The following PGM1 variants were observed in gnomAD, a reference collection of about 807,000 sequenced individuals.
PGM1 encodes phosphoglucomutase 1.
In PGM1, 52 loss-of-function variants were observed where a neutral mutation model predicts 55.6. That is an observed-to-expected ratio of 0.94 (90% CI 0.75 to 1.18). PGM1 has a LOEUF of 1.18. Among genes scored for constraint, PGM1 ranks in the 50% most tolerant of loss-of-function variants. The pLI, the probability that PGM1 is intolerant of heterozygous loss-of-function variation, is 0.00. For missense variants in PGM1, 724 were observed against 729.3 expected, an observed-to-expected ratio of 0.99 and a Z score of 0.08; for synonymous variants, 287 against 271.7, an observed-to-expected ratio of 1.06 and a Z score of -0.55.
intron 4 of PGM1, among the ~76,000 whole-genome samples, chr1:63,633,402 C>T (rs867168969): frequency 6.6e-6 from 1 of 152,162 alleles, no homozygotes; most frequent in Non-Finnish European, 1.5e-5. Context: ...CTAATGCTTT[C>T]GTTTCTATAT....
chr1:63,646,378 T>C (rs2100996490), intron 7 of PGM1, among the ~76,000 whole-genome samples: 1 of 152,306 alleles, frequency 6.6e-6, no homozygotes, highest in East Asian at 1.9e-4. Context: ...TATCAGGCTC[T>C]TGGAAAAGGG....
chr1:63,593,544 C>A lies in PGM1; in HGVS notation c.56C>A (p.Thr19Lys). 1 of 1,613,918 alleles carries A rather than the reference C, an allele frequency of 6.2e-7. No homozygotes were observed. Among genetic ancestry groups the A allele is most frequent in the East Asian group, 2.2e-5 (1 of 44,854 alleles). ...GCGTACCAGGACCAGAAGCCGGGCA[C>A]GAGCGGGCTGCGGAAGCGGGTGAAG... ...TQAYQDQKPG[T>K]SGLRKRVKVF... is the part of the protein sequence containing the mutation. Residue 19 changes from threonine to lysine, a missense_variant, in exon 1 of 11, where the codon ACG (threonine) becomes AAG (lysine). Thr to Lys is a moderately conservative substitution (Grantham distance 78, BLOSUM62 -1). Transcript: ENST00000371084.
At chr1:63,648,365 G>C in intron 7 of PGM1, 152 bp from the exon 8 acceptor site, 1 of 799,714 alleles carries the variant, frequency 1.3e-6, no homozygotes, top group Non-Finnish European at 2.1e-6. Flanking sequence ...CAGCAAGGGG[G>C]AACTTTGTCC....
In PGM1 at chr1:63,593,465, G is replaced by A. The variant is rs758344892; in HGVS notation, c.-24G>A. The A allele has an allele frequency of 2.5e-6, 4 of 1,613,212 alleles. No individual in the cohort carries two copies. The Admixed American group carries it at 5.0e-5, about 20-fold the overall frequency. On this transcript the variant is annotated 5_prime_UTR_variant, in exon 1 of 11. Transcript: ENST00000371084. ...CTCCGCCAGCCAAGTCCGCCGCTCT[G>A]ACCCCCGGCAGCAAGTCGCCACCAT...
intron 1 of PGM1, among the ~76,000 whole-genome samples, chr1:63,616,211 G>A (rs1421261368): frequency 6.6e-6 from 1 of 152,084 alleles, no homozygotes; most frequent in Non-Finnish European, 1.5e-5. Flanking sequence ...GGAAATAAAA[G>A]ACATAGAAAA....
At position 63,659,617 on chromosome 1, in the gene PGM1, T is replaced by A; in HGVS notation, c.1631T>A (p.Leu544Gln). 4 of 1,614,016 alleles carry A rather than the reference T, an allele frequency of 2.5e-6. No individual in the cohort carries two copies. The highest frequency in any genetic ancestry group is 3.4e-6 in the Non-Finnish European group (4 of 1,179,982). Residue 544 changes from leucine (L) to glutamine (Q), a missense_variant, in exon 11 of 11, where the codon CTG becomes CAG. By Grantham distance (113) the Leu-to-Gln change is moderately radical. Coordinates refer to ENST00000371084, the MANE Select transcript of PGM1 (RefSeq NM_002633.3). ...VMLAPLISIA[L>Q]KVSQLQERTG... Reference sequence around the variant, plus strand: ...TTGGCCCCCCTTATTTCCATTGCTCTGAAAGTGTCCCAGCTGCAGGAGAGG... The same window carrying A: ...TTGGCCCCCCTTATTTCCATTGCTCAGAAAGTGTCCCAGCTGCAGGAGAGG...
At chr1:63,610,052 A>C (rs1286353901) in intron 1 of PGM1, among the ~76,000 whole-genome samples, 1 of 152,256 alleles carries the variant, frequency 6.6e-6, no homozygotes, top group Non-Finnish European at 1.5e-5. Flanking sequence ...TTCAAATTTC[A>C]GTTTCATAAT....
At chr1:63,633,093 T>C (rs1649241001) in intron 4 of PGM1, among the ~76,000 whole-genome samples, 1 of 152,110 alleles carries the variant, frequency 6.6e-6, no homozygotes, top group Non-Finnish European at 1.5e-5. Context: ...ATTTCAAGTA[T>C]TCTCTTTGGG....
At chr1:63,641,415 ATCT>A (rs1405863102) in intron 7 of PGM1, among the ~76,000 whole-genome samples, 2 of 152,160 alleles carry the variant, frequency 1.3e-5, no homozygotes, top group African/African-American at 4.8e-5. Flanking sequence ...TGAACTCCTG[ATCT>A]TCTTATTTAT....
rs1423844205 is a variant in PGM1, at chr1:63,631,765, T to C, written c.665T>C (p.Ile222Thr). 6.2e-7 allele frequency: 1 copy of C among 1,613,732 alleles called. No homozygotes were observed. The highest frequency in any genetic ancestry group is 1.3e-5 in the African/African-American group (1 of 74,916). Residue 222 changes from isoleucine to threonine, a missense_variant, in exon 4 of 11, where the codon ATT becomes ACT. Coordinates refer to ENST00000371084, the MANE Select transcript of PGM1 (RefSeq NM_002633.3). ...LSGPNRLKIRIDAMHGVVGPY... is the reference protein window; with the variant it reads ...LSGPNRLKIRTDAMHGVVGPY... ...GGGCCAAACCGACTGAAGATCCGTA[T>C]TGATGCTATGCATGGAGGTATACAA...
Position 63,604,623 on chromosome 1 carries a change from T to C in PGM1, c.246+10889T>C, listed in dbSNP as rs115909502. On this transcript the variant is annotated intron_variant, in intron 1 of 10. Coordinates refer to ENST00000371084, the MANE Select transcript of PGM1 (RefSeq NM_002633.3). Reference sequence around the variant, plus strand: ...CATATGGCCCCCTGAAAATGAGTGGTTCTGTTACCTTAAAGAAGAGAAGGA... The same window carrying C: ...CATATGGCCCCCTGAAAATGAGTGGCTCTGTTACCTTAAAGAAGAGAAGGA... Among the ~76,000 whole-genome samples, 1,071 of 152,224 alleles carry C rather than the reference T, an allele frequency of 7.0e-3. 10 individuals are homozygous for C. Among genetic ancestry groups the C allele is most frequent in the African/African-American group, 0.024 (1,008 of 41,522 alleles).
At chr1:63,656,821 G>A (rs989213337) in intron 10 of PGM1, among the ~76,000 whole-genome samples, 2 of 152,142 alleles carry the variant, frequency 1.3e-5, no homozygotes, top group East Asian at 1.9e-4. Context: ...TTACTAGGGG[G>A]TAGTGAATGG....
At chr1:63,634,677 C>T (rs1649313625) in intron 4 of PGM1, 152 bp from the exon 5 acceptor site, 1 of 691,326 alleles carries the variant, frequency 1.4e-6, no homozygotes, top group East Asian at 2.7e-5. Context: ...AGGCGTATCT[C>T]TCCACTAGTC....
rs748231449 is a variant in PGM1 at position 63,629,990 on chromosome 1, C to T, written c.458C>T (p.Thr153Ile). 1 of 1,613,980 alleles carries T rather than the reference C, an allele frequency of 6.2e-7. No individual in the cohort carries two copies. Among genetic ancestry groups the T allele is most frequent in the African/African-American group, 1.3e-5 (1 of 75,002 alleles). Reference protein sequence around the residue: ...ITDKIFQISKTIEEYAVCPDL... With the variant: ...ITDKIFQISKIIEEYAVCPDL... ...GATAAAATTTTCCAAATCAGCAAGACAATTGAAGAATATGCAGTTTGCCCT... is the reference window on the plus strand; with the variant it reads ...GATAAAATTTTCCAAATCAGCAAGATAATTGAAGAATATGCAGTTTGCCCT... The change falls in exon 3 of 11, where the codon ACA (threonine) becomes ATA (isoleucine). Residue 153 changes from threonine (T) to isoleucine (I), a missense_variant. By Grantham distance (89) the Thr-to-Ile change is moderately conservative. Transcript: ENST00000371084.
At chr1:63,648,967 T>G (rs901702693) in intron 8 of PGM1, among the ~76,000 whole-genome samples, 4 of 152,188 alleles carry the variant, frequency 2.6e-5, no homozygotes, top group African/African-American at 9.6e-5. Context: ...GGATTAGAAT[T>G]TTATTTCTTC....
At chr1:63,601,228 A>G (rs866445805) in intron 1 of PGM1, among the ~76,000 whole-genome samples, 47 of 152,314 alleles carry the variant, frequency 3.1e-4, no homozygotes, top group Middle Eastern at 3.4e-3. Flanking sequence ...GTTTTATGCC[A>G]GTGTCTATTT....
intron 1 of PGM1, among the ~76,000 whole-genome samples, chr1:63,624,486 T>A (rs78484037): frequency 1.3e-5 from 2 of 152,212 alleles, no homozygotes; most frequent in Non-Finnish European, 2.9e-5. Flanking sequence ...CCAGAACGCA[T>A]TGATCTTGAT....
intron 1 of PGM1, among the ~76,000 whole-genome samples, chr1:63,626,485 A>T (rs1188782403): frequency 6.6e-6 from 1 of 152,142 alleles, no homozygotes; most frequent in Non-Finnish European, 1.5e-5. Context: ...GTCCTTTTGC[A>T]TCTGGCTTAT....
Position 63,594,162 on chromosome 1 carries a change from T to A in PGM1, c.246+428T>A, listed in dbSNP as rs1647965130. Reference sequence around the variant, plus strand: ...CAGGAAAGGTTAGACTGCCGCCGCCTCGCCCAGAGCCCCCTCGCATCCCGC... The same window carrying A: ...CAGGAAAGGTTAGACTGCCGCCGCCACGCCCAGAGCCCCCTCGCATCCCGC... On this transcript the variant is annotated intron_variant, in intron 1 of 10. Transcript: ENST00000371084. 4.1e-6 allele frequency: 4 copies of A among 984,676 alleles called. No individual in the cohort carries two copies. The South Asian group carries it at 1.9e-4, about 46-fold the overall frequency. 61.0% of individuals were successfully genotyped at this position (984,676 alleles called of 1,614,324 possible). A position where few individuals can be genotyped will look rare whatever the true frequency, so the allele number is the denominator to read the frequency against.
Sources: allele counts gnomAD v4.1 joint callset (sites outside exome capture counted in the v4.1 genomes callset), GRCh38; gene constraint gnomAD v4.1.1; transcripts MANE v1.5; gene names NCBI Gene and HGNC (gene_info 2026-07-23, HGNC 2026-07-21).